Variants in KCNH8 observed in about 807,000 individuals in gnomAD.
KCNH8 encodes potassium voltage-gated channel subfamily H member 8, also known as voltage-gated delayed rectifier potassium channel KCNH8.
KCNH8 carries 70 observed loss-of-function variants against 103.6 expected under a neutral mutation model. The ratio of observed to expected loss-of-function variants is 0.68; its 90% CI spans 0.56 to 0.82. The LOEUF is 0.82. Ranked by LOEUF, KCNH8 falls within the 40% of genes least tolerant of loss-of-function variation. The pLI, the probability that KCNH8 is intolerant of heterozygous loss-of-function variation, is 0.00. For synonymous variants in KCNH8, 498 were observed against 489.4 expected (o/e 1.02, Z -0.23); for missense variants, 1,217 against 1,329.9 (o/e 0.92, Z 1.32).
At chr3:19,532,779 C>A (rs1262038267) in intron 15 of KCNH8, among the ~76,000 whole-genome samples, 3 of 152,160 alleles carry the variant, frequency 2.0e-5, no homozygotes, top group Non-Finnish European at 4.4e-5. Context: ...TTAAGATTCC[C>A]AGACTACTTA....
intron 11 of KCNH8, among the ~76,000 whole-genome samples, chr3:19,502,498 C>T (rs1437487338): frequency 6.6e-6 from 1 of 152,142 alleles, no homozygotes; most frequent in Non-Finnish European, 1.5e-5. Context: ...AAGCTGGAGG[C>T]ATCACACTAC....
In KCNH8 at chr3:19,491,305, G is replaced by A. The variant is rs1232518446; in HGVS notation, c.2041-19058G>A. Among the ~76,000 whole-genome samples the A allele has an allele frequency of 3.3e-5, 5 of 152,258 alleles. No individual in the cohort carries two copies. The East Asian group carries it at 9.6e-4, about 29-fold the overall frequency. On this transcript the variant is annotated intron_variant, in intron 11 of 15. Coordinates refer to ENST00000328405, the MANE Select transcript of KCNH8 (RefSeq NM_144633.3). ...AGGTAGTGAGCATAGTACCCAACAA[G>A]TAGATTTTCAACCCAGGCCCCCTTC...
In KCNH8 at chr3:19,362,385, G is replaced by T. The variant is rs116541798; in HGVS notation, c.811+14420G>T. 1.0e-3 allele frequency among the ~76,000 whole-genome samples: 154 copies of T among 152,216 alleles called. 1 individual carries two copies. Among genetic ancestry groups the T allele is most frequent in the Non-Finnish European group, 1.5e-3 (102 of 67,998 alleles). The stretch of plus-strand genomic sequence containing the variant: ...TATATGGGGGAAATTAATGGAGGAT[G>T]AGTTGTTTTAGTAGATTGGTTTGTC... On this transcript the variant is annotated intron_variant, in intron 5 of 15. Transcript: ENST00000328405.
intron 8 of KCNH8, among the ~76,000 whole-genome samples, chr3:19,443,994 A>T (rs1313645679): frequency 1.3e-5 from 2 of 151,984 alleles, no homozygotes; most frequent in African/African-American, 4.8e-5. Flanking sequence ...CCCAATAAAA[A>T]TTCCAGTAGA....
intron 15 of KCNH8, among the ~76,000 whole-genome samples, chr3:19,523,534 T>TAACA (rs2069008997): frequency 1.3e-5 from 2 of 152,028 alleles, no homozygotes; most frequent in Admixed American, 6.6e-5. Flanking sequence ...GCAAAATGCC[T>TAACA]AACACAGGTC....
intron 11 of KCNH8, among the ~76,000 whole-genome samples, chr3:19,470,396 C>G (rs562890933): frequency 3.3e-5 from 5 of 152,316 alleles, no homozygotes; most frequent in African/African-American, 1.2e-4. Flanking sequence ...TTCTCTCCTT[C>G]AGTAGACTTG....
intron 1 of KCNH8, among the ~76,000 whole-genome samples, chr3:19,203,631 T>A (rs1389678307): frequency 6.6e-6 from 1 of 151,966 alleles, no homozygotes; most frequent in Non-Finnish European, 1.5e-5. Flanking sequence ...TATCACCACA[T>A]TGAAATAACA....
intron 3 of KCNH8, among the ~76,000 whole-genome samples, chr3:19,328,439 G>A (rs991536178): frequency 2.0e-5 from 3 of 152,034 alleles, no homozygotes; most frequent in African/African-American, 7.2e-5. Context: ...TTTAAACCAT[G>A]TATCCCCCAC....
At chr3:19,409,981 C>G (rs1455353702) in intron 7 of KCNH8, among the ~76,000 whole-genome samples, 1 of 151,970 alleles carries the variant, frequency 6.6e-6, no homozygotes, top group Non-Finnish European at 1.5e-5. Flanking sequence ...GAAAACCAAC[C>G]AAGAAATTCT....
chr3:19,484,533 A>G (rs1421961960), intron 11 of KCNH8, among the ~76,000 whole-genome samples: 2 of 152,150 alleles, frequency 1.3e-5, no homozygotes, highest in Non-Finnish European at 2.9e-5. Context: ...CGTCCTCCTC[A>G]GAGTCACTTT....
chr3:19,416,078 T>A (rs1212514578), intron 7 of KCNH8, among the ~76,000 whole-genome samples: 1 of 152,110 alleles, frequency 6.6e-6, no homozygotes, highest in Non-Finnish European at 1.5e-5. Context: ...AGTGTAAAAA[T>A]TTTTAAATTA....
chr3:19,313,010 A>G (rs1393300252), intron 3 of KCNH8, among the ~76,000 whole-genome samples: 1 of 144,804 alleles, frequency 6.9e-6, no homozygotes, highest in African/African-American at 2.7e-5. Context: ...TTTCTCCATA[A>G]CTGCTATTGG....
At position 19,333,714 on chromosome 3, in the gene KCNH8, A is replaced by C. The variant is rs1042321095; in HGVS notation, c.443-8873A>C. Among the ~76,000 whole-genome samples the C allele has an allele frequency of 5.9e-5, 9 of 152,228 alleles. 1 individual carries two copies. Among genetic ancestry groups the C allele is most frequent in the Admixed American group, 3.9e-4 (6 of 15,276 alleles). ...ATTCCAGCCAACAGAAACAATTCAAAATTGTAAACTTAAGAATGTGGAAGA... is the reference window on the plus strand; with the variant it reads ...ATTCCAGCCAACAGAAACAATTCAACATTGTAAACTTAAGAATGTGGAAGA... On this transcript the variant is annotated intron_variant, in intron 3 of 15. Transcript: ENST00000328405.
intron 1 of KCNH8, among the ~76,000 whole-genome samples, chr3:19,160,550 T>A (rs2063223987): frequency 6.6e-6 from 1 of 152,134 alleles, no homozygotes; most frequent in South Asian, 2.1e-4. Flanking sequence ...TTCCTTTGTT[T>A]AATATGTAAT....
chr3:19,234,379 G>T (rs2064034611), intron 1 of KCNH8, among the ~76,000 whole-genome samples: 1 of 152,236 alleles, frequency 6.6e-6, no homozygotes, highest in Admixed American at 6.5e-5. Flanking sequence ...AGCCCACGGA[G>T]TTGGGGGGAG....
intron 1 of KCNH8, among the ~76,000 whole-genome samples, chr3:19,166,429 G>A (rs1228570941): frequency 6.6e-6 from 1 of 152,198 alleles, no homozygotes; most frequent in Non-Finnish European, 1.5e-5. Flanking sequence ...TGCACAGTCA[G>A]CCTACTTTTA....
At chr3:19,279,822 T>C (rs933295379) in intron 2 of KCNH8, among the ~76,000 whole-genome samples, 1 of 152,092 alleles carries the variant, frequency 6.6e-6, no homozygotes. Flanking sequence ...CAAGGCTGGA[T>C]GAATACATAG....
chr3:19,438,162 A>T lies in KCNH8; in HGVS notation c.1178-2A>T. The T allele has an allele frequency of 6.2e-7, 1 of 1,613,144 alleles. No homozygotes were observed. Among genetic ancestry groups the T allele is most frequent in the Non-Finnish European group, 8.5e-7 (1 of 1,179,342 alleles). ...TCATTTGCTTTATTTCCTCCTTTGC[A>T]GGTTGGCTTCATGAGTTGGGAAAGA... On this transcript the variant is annotated splice_acceptor_variant, in intron 7 of 15. Transcript: ENST00000328405. LOFTEE classifies it high-confidence loss of function.
intron 5 of KCNH8, among the ~76,000 whole-genome samples, chr3:19,368,215 G>T (rs2066039482): frequency 6.6e-6 from 1 of 152,012 alleles, no homozygotes; most frequent in African/African-American, 2.4e-5. Flanking sequence ...CACTCTCCCT[G>T]TATTCAAGAA....
Sources: allele counts gnomAD v4.1 joint callset (sites outside exome capture counted in the v4.1 genomes callset), GRCh38; gene constraint gnomAD v4.1.1; transcripts MANE v1.5; gene names NCBI Gene and HGNC (gene_info 2026-07-23, HGNC 2026-07-21).